The following PCDHGB7 variants were observed in gnomAD, a reference collection of about 807,000 sequenced individuals.
PCDHGB7 encodes protocadherin gamma-B7.
Under a neutral mutation model 61.4 loss-of-function variants are expected in PCDHGB7, and 37 were observed. The observed-to-expected ratio is 0.60, with a 90% confidence interval of 0.46 to 0.79. The LOEUF (loss-of-function observed/expected upper bound fraction) is 0.79. PCDHGB7 is among the 30% of genes least tolerant of loss of function. The probability of loss-of-function intolerance (pLI) is 0.00; values close to 1 mark genes in which losing one functional copy is unlikely to be tolerated. For synonymous variants in PCDHGB7, 464 were observed against 503.5 expected, an observed-to-expected ratio of 0.92 and a Z score of 1.05; for missense variants, 1,166 against 1,202.5, an observed-to-expected ratio of 0.97 and a Z score of 0.45.
At position 141,511,345 on chromosome 5, in the gene PCDHGB7, T is replaced by C; in HGVS notation, c.*172T>C. ...AAGTGCCCAGTCAGCACCTACCCCT[T>C]CCCCCCCAGGGGGTTGAATATGCAA... On this transcript the variant is annotated 3_prime_UTR_variant, in exon 4 of 4. Transcript: ENST00000398594. The C allele has an allele frequency of 1.4e-6, 2 of 1,410,502 alleles. No homozygotes were observed. The highest frequency in any genetic ancestry group is 9.4e-7 in the Non-Finnish European group (1 of 1,060,676). 87.4% of individuals were successfully genotyped at this position (1,410,502 alleles called of 1,614,324 possible).
chr5:141,479,636 CA>C (rs1397283180), intron 1 of PCDHGB7: 1 of 152,080 alleles, frequency 6.6e-6, no homozygotes, highest in African/African-American at 2.4e-5. Flanking sequence ...TTAACAATAA[CA>C]ACAACAACAA....
chr5:141,486,163 G>A lies in PCDHGB7; in HGVS notation c.2416-8644G>A. 2.5e-6 allele frequency: 4 copies of A among 1,614,212 alleles called. No individual in the cohort carries two copies. Among genetic ancestry groups the A allele is most frequent in the Non-Finnish European group, 3.4e-6 (4 of 1,180,034 alleles). The stretch of plus-strand genomic sequence containing the variant: ...CTCGCGATGGGGGTTCTCCAGCCAT[G>A]GAGCAACATTGCAGCCTTCGAGTGG... On this transcript the variant is annotated intron_variant, in intron 1 of 3. Transcript: ENST00000398594. This position sits in a 1 kb window ranked among gnomAD's most constrained non-coding sequence, Gnocchi z 5.0.
chr5:141,421,885 G>A (rs2096608692), intron 1 of PCDHGB7: 1 of 1,613,574 alleles, frequency 6.2e-7, no homozygotes, highest in African/African-American at 1.3e-5. Context: ...AGATGGAGGC[G>A]ATCCCATCCG....
intron 1 of PCDHGB7, 148 bp from the exon 2 acceptor site, chr5:141,494,659 T>C (rs749872848): frequency 2.3e-4 from 343 of 1,488,556 alleles, no homozygotes; most frequent in Non-Finnish European, 2.9e-4. Flanking sequence ...ATTTTGTCTT[T>C]GGAGATGAGT....
intron 1 of PCDHGB7, among the ~76,000 whole-genome samples, chr5:141,446,758 C>A (rs776925316): frequency 6.6e-6 from 1 of 152,326 alleles, no homozygotes; most frequent in Non-Finnish European, 1.5e-5. Flanking sequence ...TGAGCCACCG[C>A]GCCCAGCCGG....
intron 1 of PCDHGB7, chr5:141,428,221 G>A (rs1314522513): frequency 5.9e-6 from 7 of 1,177,278 alleles, no homozygotes; most frequent in Non-Finnish European, 8.6e-6. Context: ...CCTAGTCTTC[G>A]CAGACAGCCT....
At chr5:141,495,089 C>G (rs1440289878) in intron 2 of PCDHGB7, among the ~76,000 whole-genome samples, 2 of 152,284 alleles carry the variant, frequency 1.3e-5, no homozygotes, top group East Asian at 3.9e-4. Flanking sequence ...TGCCCCTTCC[C>G]TCCTCGCCAC....
At chr5:141,439,202 A>AG (rs1348445707) in intron 1 of PCDHGB7, among the ~76,000 whole-genome samples, 2 of 151,954 alleles carry the variant, frequency 1.3e-5, no homozygotes, top group African/African-American at 4.8e-5. Context: ...AAAAAAAAAA[A>AG]AAATCCATAT....
intron 1 of PCDHGB7, among the ~76,000 whole-genome samples, chr5:141,445,851 A>G (rs957077325): frequency 2.0e-5 from 3 of 152,210 alleles, no homozygotes; most frequent in African/African-American, 7.2e-5. Context: ...CACACTTAAA[A>G]TTCTGGATTT....
At chr5:141,465,241 G>C (rs2099099198) in intron 1 of PCDHGB7, among the ~76,000 whole-genome samples, 1 of 151,964 alleles carries the variant, frequency 6.6e-6, no homozygotes, top group South Asian at 2.1e-4. Flanking sequence ...CAAGTTCAAG[G>C]CACTTTTGTA....
At chr5:141,478,785 A>C in intron 1 of PCDHGB7, 1 of 1,482,486 alleles carries the variant, frequency 6.7e-7, no homozygotes, top group Non-Finnish European at 9.0e-7. Flanking sequence ...GACCTAATTC[A>C]CATCCTCAGC....
At chr5:141,460,951 G>GTATATATATA (rs200454978) in intron 1 of PCDHGB7, among the ~76,000 whole-genome samples, 1 of 139,722 alleles carries the variant, frequency 7.2e-6, no homozygotes, top group African/African-American at 2.8e-5. Context: ...TATGTATTAT[G>GTATATATATA]TATATATATA....
chr5:141,445,584 G>A lies in PCDHGB7; in HGVS notation c.2415+25310G>A, dbSNP rs540956709. ...AGAAAGCTTATAGTAGGGAAGCTTC[G>A]CCTAATCTGAAGGTCAAGGAAGGCT... On this transcript the variant is annotated intron_variant, in intron 1 of 3. Transcript: ENST00000398594. Among the ~76,000 whole-genome samples, 116 of 152,286 alleles carry A rather than the reference G, an allele frequency of 7.6e-4. 2 individuals are homozygous for A. Among genetic ancestry groups the A allele is most frequent in the Non-Finnish European group, 2.4e-4 (16 of 68,024 alleles).
chr5:141,485,408 T>C lies in PCDHGB7; in HGVS notation c.2416-9399T>C. On this transcript the variant is annotated intron_variant, in intron 1 of 3. Transcript: ENST00000398594. The surrounding 1 kb of genome is among the most constrained non-coding windows in gnomAD (Gnocchi z 5.7). ...GAACCAAAGACACTTCCGTGTGGAT[T>C]TGGACAGCGGAGCCCTGCTCATCAA... 1 of 1,614,112 alleles carries C rather than the reference T, an allele frequency of 6.2e-7. No individual in the cohort carries two copies. Among genetic ancestry groups the C allele is most frequent in the Non-Finnish European group, 8.5e-7 (1 of 1,180,034 alleles).
At chr5:141,466,794 T>C (rs1487051313) in intron 1 of PCDHGB7, among the ~76,000 whole-genome samples, 2 of 152,226 alleles carry the variant, frequency 1.3e-5, no homozygotes, top group Non-Finnish European at 2.9e-5. Context: ...TGCCTCAAAC[T>C]AGATCCTATT....
intron 1 of PCDHGB7, among the ~76,000 whole-genome samples, chr5:141,469,684 T>C (rs1471928749): frequency 6.6e-6 from 1 of 152,256 alleles, no homozygotes; most frequent in Non-Finnish European, 1.5e-5. Flanking sequence ...ACATATGCAT[T>C]GGTCCTATGA....
chr5:141,508,599 G>T lies in PCDHGB7; in HGVS notation c.2564-2348G>T, dbSNP rs948748985. On this transcript the variant is annotated intron_variant, in intron 3 of 3. Coordinates refer to ENST00000398594, the MANE Select transcript of PCDHGB7 (RefSeq NM_018927.4). ...CTCGGGGTGCTACTCAGAGATCTTGGGTGCACATAGGACGTGGGTGGGCCG... is the reference window on the plus strand; with the variant it reads ...CTCGGGGTGCTACTCAGAGATCTTGTGTGCACATAGGACGTGGGTGGGCCG... Among the ~76,000 whole-genome samples the T allele has an allele frequency of 3.9e-5, 6 of 152,212 alleles. No individual in the cohort carries two copies. The South Asian group carries it at 1.2e-3, about 32-fold the overall frequency.
chr5:141,465,893 C>A (rs926928579), intron 1 of PCDHGB7, among the ~76,000 whole-genome samples: 1 of 151,962 alleles, frequency 6.6e-6, no homozygotes, highest in Non-Finnish European at 1.5e-5. Context: ...GAGGCCGAGG[C>A]GGGCAAATCA....
intron 1 of PCDHGB7, among the ~76,000 whole-genome samples, chr5:141,483,648 TTGTGTGTG>T (rs111458813): frequency 6.7e-6 from 1 of 149,592 alleles, no homozygotes; most frequent in Non-Finnish European, 1.5e-5. Flanking sequence ...GGGTGTGTGT[TTGTGTGTG>T]TGTGTGTGTG....
Sources: gnomAD v4.1 joint callset for allele counts (sites outside exome capture counted in the v4.1 genomes callset) on GRCh38, gnomAD v4.1.1 for gene constraint, Gnocchi (gnomAD v3.1) non-coding constraint, MANE v1.5 for transcripts, NCBI Gene and HGNC (gene_info 2026-07-23, HGNC 2026-07-21) for gene names.